Variants in TENM3 observed in about 807,000 individuals in gnomAD.
TENM3 encodes teneurin transmembrane protein 3.
A neutral mutation model predicts 255.1 loss-of-function variants in TENM3; 63 were observed. The observed-to-expected ratio is 0.25, with a 90% confidence interval of 0.20 to 0.30. TENM3 has a LOEUF of 0.30. Among genes scored for constraint, TENM3 ranks in the 10% least tolerant of loss-of-function variants. The pLI is 1.00. For synonymous variants in TENM3, 1,306 were observed against 1,322.3 expected, an observed-to-expected ratio of 0.99 and a Z score of 0.27; for missense variants, 2,929 against 3,461.1, an observed-to-expected ratio of 0.85 and a Z score of 3.86.
chr4:181,955,798 A>T, the TENM3 span, among the ~76,000 whole-genome samples: 1 of 152,272 alleles, frequency 6.6e-6, no homozygotes, highest in South Asian at 2.1e-4. Flanking sequence ...TAGATAATTA[A>T]CTATTTAATT....
intron 4 of TENM3, among the ~76,000 whole-genome samples, chr4:182,610,518 C>T (rs79644338): frequency 2.4e-4 from 36 of 151,830 alleles, no homozygotes; most frequent in Non-Finnish European, 4.9e-4. Context: ...CCACCTCTGA[C>T]AAAAAAATAA....
the TENM3 span, among the ~76,000 whole-genome samples, chr4:181,949,495 C>A: frequency 4.6e-5 from 7 of 152,176 alleles, no homozygotes; most frequent in Non-Finnish European, 1.0e-4. Context: ...TTATTTTCCT[C>A]AAAATCAATT....
At chr4:181,839,382 TATACAC>T in the TENM3 span, among the ~76,000 whole-genome samples, 3 of 60,018 alleles carry the variant, frequency 5.0e-5, no homozygotes, top group African/African-American at 1.3e-4. Flanking sequence ...TATATATATA[TATACAC>T]CTATATACAT....
chr4:182,775,446 C>T (rs1018599699), intron 24 of TENM3, among the ~76,000 whole-genome samples: 8 of 152,174 alleles, frequency 5.3e-5, no homozygotes, highest in African/African-American at 1.9e-4. Context: ...CAGACATCTT[C>T]CAGGTCACTT....
rs1206105604 is a variant in TENM3, at chr4:182,799,940, G to T, written c.7689G>T (p.Arg2563=). ...TTPESDLGTL[R]LTSGRKALEN... ...CCGAGAGCGACCTGGGCACGCTGCG[G>T]TTGACCAGCGGCCGCAAGGCGCTGG... The change falls in exon 28 of 28, where the codon CGG becomes CGT. Residue 2563 remains arginine, a synonymous_variant. Coordinates refer to ENST00000511685, the MANE Select transcript of TENM3 (RefSeq NM_001080477.4). This position sits in a 1 kb window ranked among gnomAD's most constrained non-coding sequence, Gnocchi z 4.2. 3.1e-6 allele frequency: 5 copies of T among 1,596,270 alleles called. No homozygotes were observed. In the South Asian group the frequency reaches 4.5e-5, roughly 14 times the overall value.
At chr4:182,451,120 A>G (rs1303821565) in intron 3 of TENM3, among the ~76,000 whole-genome samples, 1 of 152,226 alleles carries the variant, frequency 6.6e-6, no homozygotes, top group African/African-American at 2.4e-5. Context: ...AAATATGGCC[A>G]TAATTCAAAT....
At chr4:182,110,254 C>G in the TENM3 span, among the ~76,000 whole-genome samples, 1 of 152,098 alleles carries the variant, frequency 6.6e-6, no homozygotes, top group Non-Finnish European at 1.5e-5. Flanking sequence ...AGGAGTTGGC[C>G]TGCAAAGCAA....
chr4:182,105,699 C>A, the TENM3 span, among the ~76,000 whole-genome samples: 1 of 152,308 alleles, frequency 6.6e-6, no homozygotes, highest in South Asian at 2.1e-4. Flanking sequence ...ACCAGCTAAG[C>A]TCACCCAAGC....
chr4:181,584,807 G>A, the TENM3 span, among the ~76,000 whole-genome samples: 132 of 152,188 alleles, frequency 8.7e-4, no homozygotes, highest in African/African-American at 3.1e-3. Flanking sequence ...GCACGAACAT[G>A]GGTGCCTAAT....
the TENM3 span, among the ~76,000 whole-genome samples, chr4:182,129,911 CATAAGT>C: frequency 6.6e-6 from 1 of 152,056 alleles, no homozygotes; most frequent in East Asian, 1.9e-4. Context: ...TACACAAATA[CATAAGT>C]ATATGTGAGG....
intron 4 of TENM3, among the ~76,000 whole-genome samples, chr4:182,617,393 T>G (rs1044366920): frequency 3.3e-5 from 5 of 152,196 alleles, no homozygotes; most frequent in Non-Finnish European, 4.4e-5. Flanking sequence ...TATCTTGAAC[T>G]CAGTAGTTAA....
the TENM3 span, among the ~76,000 whole-genome samples, chr4:181,939,263 G>T: frequency 1.3e-5 from 2 of 152,192 alleles, no homozygotes; most frequent in Non-Finnish European, 2.9e-5. Context: ...CAGGAAGGAA[G>T]GTATGTGTCT....
chr4:182,484,461 T>C (rs1456168321), intron 3 of TENM3, among the ~76,000 whole-genome samples: 1 of 152,160 alleles, frequency 6.6e-6, no homozygotes, highest in Non-Finnish European at 1.5e-5. Flanking sequence ...GTGGTAATAC[T>C]TTACCTTATT....
rs1194580107 is a variant in TENM3, at chr4:182,398,386, AATTACC to A, written c.511+51459_511+51464del. Among the ~76,000 whole-genome samples, 5 of 152,256 alleles carry A rather than the reference AATTACC, an allele frequency of 3.3e-5. No homozygotes were observed. In the East Asian group the frequency reaches 9.7e-4, roughly 29 times the overall value. ...ACTGGGGTTACTGTAGTTACTGAAC[AATTACC>A]ACAACTTTTTCTCTATATATTCCTT... On this transcript the variant is annotated intron_variant, in intron 3 of 27. Transcript: ENST00000511685.
chr4:182,224,173 T>C (rs1321673555), intron 1 of TENM3, among the ~76,000 whole-genome samples: 1 of 152,238 alleles, frequency 6.6e-6, no homozygotes, highest in African/African-American at 2.4e-5. Flanking sequence ...TTTCTCAAGA[T>C]TTTTATTTCT....
At chr4:182,295,910 TAA>T (rs1761457558) in intron 1 of TENM3, among the ~76,000 whole-genome samples, 2 of 152,138 alleles carry the variant, frequency 1.3e-5, no homozygotes, top group South Asian at 4.1e-4. Context: ...CAAACAAAAT[TAA>T]GTTATAGTTA....
At chr4:182,765,205 C>A (rs543600865) in intron 22 of TENM3, among the ~76,000 whole-genome samples, 1 of 151,758 alleles carries the variant, frequency 6.6e-6, no homozygotes, top group East Asian at 1.9e-4. Flanking sequence ...TTGAGAGAGC[C>A]GAAGCTATAA....
At chr4:181,497,647 A>G in the TENM3 span, among the ~76,000 whole-genome samples, 1 of 152,212 alleles carries the variant, frequency 6.6e-6, no homozygotes, top group African/African-American at 2.4e-5. Context: ...TCAGGAAACT[A>G]GAGTACTATT....
At chr4:181,984,588 T>C in the TENM3 span, among the ~76,000 whole-genome samples, 1 of 152,024 alleles carries the variant, frequency 6.6e-6, no homozygotes, top group Non-Finnish European at 1.5e-5. Flanking sequence ...AAAAGCCTTT[T>C]GCAAAGGATT....
Sources: gnomAD v4.1 joint callset for allele counts (sites outside exome capture counted in the v4.1 genomes callset) on GRCh38, gnomAD v4.1.1 for gene constraint, Gnocchi (gnomAD v3.1) non-coding constraint, MANE v1.5 for transcripts, NCBI Gene and HGNC (gene_info 2026-07-23, HGNC 2026-07-21) for gene names.